TIAM1: variants seen among roughly 807,000 people sequenced by gnomAD.
TIAM1 encodes TIAM Rac1 associated GEF 1.
In TIAM1, 65 loss-of-function variants were observed where a neutral mutation model predicts 163.5. The observed-to-expected ratio is 0.40, with a 90% CI of 0.33 to 0.49. The LOEUF (loss-of-function observed/expected upper bound fraction) is 0.49, where lower values mean the gene tolerates loss of function less well. TIAM1 is among the 20% of genes least tolerant of loss of function. The probability of loss-of-function intolerance (pLI) is 0.77; values close to 1 mark genes in which losing one functional copy is unlikely to be tolerated. For missense variants in TIAM1, 1,789 were observed against 2,044.7 expected (o/e 0.87, Z 2.41); for synonymous variants, 833 against 810.1 (o/e 1.03, Z -0.48).
In TIAM1 at chr21:31,339,360, C is replaced by A. The variant is rs2075948970; in HGVS notation, c.-306G>T. 2.5e-6 allele frequency: 1 copy of A among 398,636 alleles called. No homozygotes were observed. 24.7% of individuals were successfully genotyped at this position (398,636 alleles called of 1,614,324 possible). A position where few individuals can be genotyped will look rare whatever the true frequency, so the allele number is the denominator to read the frequency against. ...CATTATGCCCATGGTACCAACCAGCCTCCTCTTCCTCCTCCTGGGCTTCAG... is the reference window on the plus strand; with the variant it reads ...CATTATGCCCATGGTACCAACCAGCATCCTCTTCCTCCTCCTGGGCTTCAG... On this transcript the variant is annotated 5_prime_UTR_variant, in exon 2 of 28. In the 5' UTR this introduces an upstream ATG that the reference lacks. Transcript: ENST00000541036.
intron 2 of TIAM1, among the ~76,000 whole-genome samples, chr21:31,430,630 C>T (rs1358046493): frequency 1.3e-5 from 2 of 151,210 alleles, no homozygotes; most frequent in African/African-American, 4.8e-5. Flanking sequence ...TTGATTCTTC[C>T]GTTCTTAAAG....
chr21:31,159,310 T>C (rs551838131), intron 16 of TIAM1, among the ~76,000 whole-genome samples: 7 of 152,246 alleles, frequency 4.6e-5, no homozygotes, highest in African/African-American at 1.7e-4. Context: ...ATAATGCTGC[T>C]TTCCTCCTGT....
At chr21:31,125,660 C>T (rs548851143) in intron 26 of TIAM1, among the ~76,000 whole-genome samples, 61 of 152,336 alleles carry the variant, frequency 4.0e-4, no homozygotes, top group Non-Finnish European at 6.2e-4. Flanking sequence ...TTGCAACCTC[C>T]ACCTCCCAGG....
rs539728085 is a variant in TIAM1, at chr21:31,142,335, A to G, written c.3476-831T>C. 8.5e-5 allele frequency among the ~76,000 whole-genome samples: 13 copies of G among 152,122 alleles called. 1 individual carries two copies. The highest frequency in any genetic ancestry group is 6.2e-4 in the South Asian group (3 of 4,814). ...AAAACCTCTTTTGAAAAAGGCAAGC[A>G]TGCCGTGCACAGTGGCTCATGAATG... On this transcript the variant is annotated intron_variant, in intron 20 of 27. Transcript: ENST00000541036.
At chr21:31,281,859 G>T (rs1339263752) in intron 2 of TIAM1, among the ~76,000 whole-genome samples, 1 of 152,036 alleles carries the variant, frequency 6.6e-6, no homozygotes, top group African/African-American at 2.4e-5. Flanking sequence ...ATTGATGGGT[G>T]GTAGGTGGAT....
At chr21:31,479,843 G>GATTC (rs2046056463) in intron 1 of TIAM1, among the ~76,000 whole-genome samples, 1 of 152,058 alleles carries the variant, frequency 6.6e-6, no homozygotes, top group African/African-American at 2.4e-5. Flanking sequence ...TCCCCACTGG[G>GATTC]ATTCCCTGCC....
intron 1 of TIAM1, among the ~76,000 whole-genome samples, chr21:31,524,357 G>A (rs886306024): frequency 1.3e-5 from 2 of 152,078 alleles, no homozygotes; most frequent in African/African-American, 4.8e-5. Context: ...CAGATCTTGC[G>A]AGAACTGGCT....
chr21:31,225,698 C>T, intron 7 of TIAM1, 28 bp downstream of exon 7: 2 of 1,564,108 alleles, frequency 1.3e-6, no homozygotes, highest in Non-Finnish European at 1.7e-6. Context: ...ACAATTTTGT[C>T]CGGACCTAAA....
intron 2 of TIAM1, among the ~76,000 whole-genome samples, chr21:31,281,129 C>T (rs2073544755): frequency 2.0e-5 from 3 of 147,700 alleles, no homozygotes; most frequent in South Asian, 4.4e-4. Flanking sequence ...AAAACACACT[C>T]ATAAGGGAAA....
chr21:31,130,805 G>T, intron 24 of TIAM1, 85 bp downstream of exon 24: 2 of 1,335,984 alleles, frequency 1.5e-6, no homozygotes, highest in South Asian at 1.2e-5. Flanking sequence ...GGCTCATACT[G>T]ACAAAATGGT....
intron 2 of TIAM1, among the ~76,000 whole-genome samples, chr21:31,363,684 G>A (rs2076447556): frequency 6.6e-6 from 1 of 151,982 alleles, no homozygotes; most frequent in East Asian, 1.9e-4. Context: ...GAATGTCTTA[G>A]ATTTTTCTCT....
intron 2 of TIAM1, among the ~76,000 whole-genome samples, chr21:31,413,065 A>G (rs2043255345): frequency 6.6e-6 from 1 of 152,098 alleles, no homozygotes; most frequent in Admixed American, 6.5e-5. Context: ...ATGTAACAAA[A>G]TCGGACATGT....
intron 1 of TIAM1, among the ~76,000 whole-genome samples, chr21:31,552,732 T>G (rs1465725182): frequency 6.6e-6 from 1 of 152,056 alleles, no homozygotes; most frequent in Non-Finnish European, 1.5e-5. Flanking sequence ...ATTGTGCCAC[T>G]GCACTCCAGC....
chr21:31,299,972 C>G (rs956499320), intron 2 of TIAM1, among the ~76,000 whole-genome samples: 1 of 152,178 alleles, frequency 6.6e-6, no homozygotes, highest in African/African-American at 2.4e-5. Flanking sequence ...GTCTCCTGAG[C>G]TGACAGAGCT....
chr21:31,342,873 G>C (rs1018081644), intron 1 of TIAM1, among the ~76,000 whole-genome samples: 2 of 152,164 alleles, frequency 1.3e-5, no homozygotes, highest in African/African-American at 4.8e-5. Flanking sequence ...GTCAGAGCAA[G>C]CTAAGCAAAC....
At chr21:31,216,813 G>A (rs545301078) in intron 9 of TIAM1, among the ~76,000 whole-genome samples, 9 of 152,258 alleles carry the variant, frequency 5.9e-5, no homozygotes, top group Non-Finnish European at 8.8e-5. Flanking sequence ...CCAGTAGGCA[G>A]AGGATCTGCC....
chr21:31,416,324 A>T lies in TIAM1; in HGVS notation c.-369+47659T>A, dbSNP rs114670055. On this transcript the variant is annotated intron_variant, in intron 2 of 28. Transcript: ENST00000286827. The stretch of plus-strand genomic sequence containing the variant: ...AATACTGTGCATTCCACATAGTGAA[A>T]TTTTTTTAATTTTAATAGTTTTGGG... 9.3e-3 allele frequency among the ~76,000 whole-genome samples: 1,417 copies of T among 152,180 alleles called. 18 individuals are homozygous for T. The highest frequency in any genetic ancestry group is 0.032 in the African/African-American group (1,343 of 41,512).
intron 2 of TIAM1, among the ~76,000 whole-genome samples, chr21:31,452,306 G>A (rs2284516): frequency 0.099 from 15,048 of 152,188 alleles, 1,540 homozygotes; most frequent in East Asian, 0.52. Context: ...AGGCATGGTG[G>A]CACACACCTA....
At chr21:31,300,180 T>G (rs1231941240) in intron 2 of TIAM1, among the ~76,000 whole-genome samples, 1 of 152,066 alleles carries the variant, frequency 6.6e-6, no homozygotes, top group African/African-American at 2.4e-5. Context: ...ACCTCCCCAC[T>G]CGGTATCTTG....
Sources: gnomAD v4.1 joint callset for allele counts (sites outside exome capture counted in the v4.1 genomes callset) on GRCh38, gnomAD v4.1.1 for gene constraint, MANE v1.5 for transcripts, NCBI Gene and HGNC (gene_info 2026-07-23, HGNC 2026-07-21) for gene names.